NIPBL: variants seen among roughly 807,000 people sequenced by gnomAD.
NIPBL encodes the protein nipped-B-like protein.
In NIPBL, 19 loss-of-function variants were observed where a neutral mutation model predicts 321.8. The observed-to-expected ratio is 0.06, with a 90% confidence interval of 0.04 to 0.09. The LOEUF (loss-of-function observed/expected upper bound fraction) is 0.09. Among genes scored for constraint, NIPBL ranks in the 10% least tolerant of loss-of-function variants. The probability of loss-of-function intolerance (pLI) is 1.00; values close to 1 mark genes in which losing one functional copy is unlikely to be tolerated. For synonymous variants in NIPBL, 1,106 were observed against 1,114.1 expected (o/e 0.99, Z 0.14); for missense variants, 2,210 against 3,327.0 (o/e 0.66, Z 8.26).
chr5:37,061,608 G>A (rs1182433313), intron 45 of NIPBL, among the ~76,000 whole-genome samples: 2 of 152,144 alleles, frequency 1.3e-5, no homozygotes, highest in Non-Finnish European at 2.9e-5. Context: ...GAGCCTGAGA[G>A]GCAGAGGTTA....
At chr5:36,969,583 C>T (rs1424356174) in intron 6 of NIPBL, among the ~76,000 whole-genome samples, 1 of 152,158 alleles carries the variant, frequency 6.6e-6, no homozygotes, top group Non-Finnish European at 1.5e-5. Flanking sequence ...CTATCTCACA[C>T]TTAAAAATAA....
chr5:36,944,389 G>A (rs558357615), intron 1 of NIPBL, among the ~76,000 whole-genome samples: 2 of 151,884 alleles, frequency 1.3e-5, no homozygotes, highest in Non-Finnish European at 2.9e-5. Flanking sequence ...CTTACCTATT[G>A]GGAGAGTTTC....
chr5:36,904,563 A>G lies in NIPBL; in HGVS notation c.-80+27385A>G, dbSNP rs150323078. On this transcript the variant is annotated intron_variant, in intron 1 of 46. Coordinates refer to ENST00000282516, the MANE Select transcript of NIPBL (RefSeq NM_133433.4). ...AAATATTTATTATCTTAGTATTCCT[A>G]TGGGCCAGGAATATGGCTACAGCTT... 7.9e-4 allele frequency among the ~76,000 whole-genome samples: 120 copies of G among 152,308 alleles called. 1 individual carries two copies. In the East Asian group the frequency reaches 0.014, roughly 17 times the overall value.
At chr5:36,878,002 G>A (rs1580123801) in intron 1 of NIPBL, among the ~76,000 whole-genome samples, 1 of 152,212 alleles carries the variant, frequency 6.6e-6, no homozygotes, top group East Asian at 1.9e-4. Flanking sequence ...TATGCGTTAT[G>A]TAAGGGCAGT....
chr5:36,931,785 G>GTTTTTT (rs70976266), intron 1 of NIPBL, among the ~76,000 whole-genome samples: 1 of 138,532 alleles, frequency 7.2e-6, no homozygotes, highest in Admixed American at 7.1e-5. Flanking sequence ...TATGTCTCTG[G>GTTTTTT]TTTTTTTTTT....
chr5:36,902,373 AG>A (rs1191311724), intron 1 of NIPBL, among the ~76,000 whole-genome samples: 1 of 152,106 alleles, frequency 6.6e-6, no homozygotes, highest in African/African-American at 2.4e-5. Flanking sequence ...GTTTTCTTCT[AG>A]GGTTTTTATA....
intron 17 of NIPBL, among the ~76,000 whole-genome samples, chr5:37,006,886 A>G (rs1226376123): frequency 6.6e-6 from 1 of 151,974 alleles, no homozygotes; most frequent in Admixed American, 6.5e-5. Context: ...AAATGGATTG[A>G]TTCAAGATAA....
At position 37,025,402 on chromosome 5, in the gene NIPBL, T is replaced by C. The variant is rs1222184474; in HGVS notation, c.5709+683T>C. On this transcript the variant is annotated intron_variant, in intron 30 of 46. Transcript: ENST00000282516. ...AAATACTTTGTTTCATTATGTTAAG[T>C]GAAATAAGCCAGACACAGAAAATAG... 2.0e-5 allele frequency among the ~76,000 whole-genome samples: 3 copies of C among 152,260 alleles called. No individual in the cohort carries two copies. In the East Asian group the frequency reaches 5.8e-4, roughly 29 times the overall value.
chr5:37,061,361 G>A (rs558689282), intron 45 of NIPBL, among the ~76,000 whole-genome samples: 68 of 152,232 alleles, frequency 4.5e-4, no homozygotes, highest in African/African-American at 1.4e-3. Context: ...CAAATCCTCC[G>A]ATATTCAAGG....
intron 32 of NIPBL, among the ~76,000 whole-genome samples, chr5:37,029,342 A>AT (rs1163039324): frequency 6.6e-6 from 1 of 152,146 alleles, no homozygotes; most frequent in Non-Finnish European, 1.5e-5. Context: ...ACAGTATGTA[A>AT]TCTTGTGTTT....
Position 36,985,013 on chromosome 5 carries a change from T to A in NIPBL, c.1833T>A (p.Ser611Arg), listed in dbSNP as rs199546324. ...KKKSDPELSK[S>R]EMKQSESRLA... ...AGTCTGATCCTGAGCTTTCAAAGAG[T>A]GAAATGAAACAAAGTGAAAGTAGAT... Residue 611 changes from serine to arginine, a missense_variant, in exon 10 of 47, where the codon AGT becomes AGA. Physicochemically the swap from Ser to Arg is moderately radical, Grantham distance 110. Coordinates refer to ENST00000282516, the MANE Select transcript of NIPBL (RefSeq NM_133433.4). The A allele has an allele frequency of 1.5e-4, 246 of 1,613,048 alleles. No individual in the cohort carries two copies. Among genetic ancestry groups the A allele is most frequent in the Non-Finnish European group, 1.9e-4 (225 of 1,179,790 alleles).
At chr5:36,886,179 G>T in intron 1 of NIPBL, 1 of 647,314 alleles carries the variant, frequency 1.5e-6, no homozygotes, top group Non-Finnish European at 2.8e-6. Flanking sequence ...ACAGCCTGAG[G>T]GAGGTGGAGA....
Position 36,985,764 on chromosome 5 carries a change from A to G in NIPBL, c.2584A>G (p.Lys862Glu), listed in dbSNP as rs1554017428. The G allele has an allele frequency of 6.2e-7, 1 of 1,613,866 alleles. No homozygotes were observed. Among genetic ancestry groups the G allele is most frequent in the Non-Finnish European group, 8.5e-7 (1 of 1,179,924 alleles). ...ACATGGCATTAAATCTGATAGTTCA[A>G]AAACTGATAAACTAGAACGAAAACA... ...NEHGIKSDSS[K>E]TDKLERKHRH... The change falls in exon 10 of 47, where the codon AAA (lysine) becomes GAA (glutamate). Residue 862 changes from lysine to glutamate, a missense_variant. By Grantham distance (56) the Lys-to-Glu change is moderately conservative. This residue lies in a region of NIPBL where 588 missense variants were observed against 564.1 expected (regional missense o/e 1.04). Transcript: ENST00000282516.
At chr5:36,966,730 A>G (rs1467743841) in intron 6 of NIPBL, among the ~76,000 whole-genome samples, 1 of 152,128 alleles carries the variant, frequency 6.6e-6, no homozygotes, top group East Asian at 1.9e-4. Flanking sequence ...TTTTAAAATC[A>G]GCATATAAGA....
chr5:37,018,546 G>A (rs1056408539), intron 24 of NIPBL, among the ~76,000 whole-genome samples: 1 of 152,072 alleles, frequency 6.6e-6, no homozygotes, highest in Non-Finnish European at 1.5e-5. Context: ...AGGAATCTTG[G>A]TTCCTTTTGT....
rs1011553575 is a variant in NIPBL, at chr5:36,907,653, GT to G, written c.-80+30476del. 3.5e-4 allele frequency among the ~76,000 whole-genome samples: 53 copies of G among 152,120 alleles called. 1 individual carries two copies. The highest frequency in any genetic ancestry group is 5.2e-4 in the Admixed American group (8 of 15,274). ...CAGAGCATACAGTAGTTGCATTAGGGTGACAGGATTATAACAGGCACTTTTT... is the reference window on the plus strand; with the variant it reads ...CAGAGCATACAGTAGTTGCATTAGGGGACAGGATTATAACAGGCACTTTTT... On this transcript the variant is annotated intron_variant, in intron 1 of 46. Coordinates refer to ENST00000282516, the MANE Select transcript of NIPBL (RefSeq NM_133433.4).
chr5:37,035,710 T>A (rs945729155), intron 32 of NIPBL, among the ~76,000 whole-genome samples: 2 of 152,232 alleles, frequency 1.3e-5, no homozygotes, highest in African/African-American at 4.8e-5. Flanking sequence ...GCAGTGGAAC[T>A]CTTCACAGAA....
rs959808785 is a variant in NIPBL, at chr5:36,887,463, C to A, written c.-80+10285C>A. 4.6e-5 allele frequency among the ~76,000 whole-genome samples: 7 copies of A among 152,272 alleles called. 1 individual carries two copies. The South Asian group carries it at 8.3e-4, about 18-fold the overall frequency. On this transcript the variant is annotated intron_variant, in intron 1 of 46. Coordinates refer to ENST00000282516, the MANE Select transcript of NIPBL (RefSeq NM_133433.4). The stretch of plus-strand genomic sequence containing the variant: ...AGTGCCCTTTACTGAAAATTGGGGG[C>A]AGATAATGAGAAAAGAGTAATTTTC...
At chr5:36,924,314 G>C (rs1338821083) in intron 1 of NIPBL, among the ~76,000 whole-genome samples, 1 of 152,104 alleles carries the variant, frequency 6.6e-6, no homozygotes, top group African/African-American at 2.4e-5. Context: ...AATGTTTCTT[G>C]AGAAAATTTT....
Sources: gnomAD v4.1 joint callset for allele counts (sites outside exome capture counted in the v4.1 genomes callset) on GRCh38, gnomAD v4.1.1 for gene constraint, gnomAD v4.1.1 regional missense constraint, MANE v1.5 for transcripts, NCBI Gene and HGNC (gene_info 2026-07-23, HGNC 2026-07-21) for gene names.